The following ASZ1 variants were observed in gnomAD, a reference collection of about 807,000 sequenced individuals.
The protein encoded by ASZ1 is ankyrin repeat, SAM and basic leucine zipper domain containing 1.
In ASZ1, 67 loss-of-function variants were observed where a neutral mutation model predicts 61.8. The ratio of observed to expected loss-of-function variants is 1.08; its 90% CI spans 0.89 to 1.33. ASZ1 has a LOEUF of 1.33. Ranked by LOEUF, ASZ1 falls within the 40% of genes most tolerant of loss-of-function variation. ASZ1 has a pLI of 0.00. For synonymous variants in ASZ1, 193 were observed against 192.7 expected, an observed-to-expected ratio of 1.00 and a Z score of -0.01; for missense variants, 577 against 554.5, an observed-to-expected ratio of 1.04 and a Z score of -0.41.
intron 4 of ASZ1, among the ~76,000 whole-genome samples, chr7:117,413,265 C>T (rs1796929978): frequency 6.6e-6 from 1 of 151,850 alleles, no homozygotes; most frequent in African/African-American, 2.4e-5. Context: ...GTTGTAAATA[C>T]CCTTATCAAA....
intron 10 of ASZ1, among the ~76,000 whole-genome samples, chr7:117,376,717 G>A (rs572467230): frequency 1.3e-5 from 2 of 152,152 alleles, no homozygotes; most frequent in African/African-American, 4.8e-5. Context: ...GATAGAAAAA[G>A]CATTTGAAAA....
intron 10 of ASZ1, 50 bp downstream of exon 10, chr7:117,379,888 C>A (rs1376289457): frequency 1.7e-6 from 2 of 1,195,290 alleles, no homozygotes; most frequent in Admixed American, 2.0e-5. Context: ...CTAAAAAGAA[C>A]AATTGGTTCT....
At chr7:117,378,439 A>T (rs910924806) in intron 10 of ASZ1, among the ~76,000 whole-genome samples, 4 of 152,136 alleles carry the variant, frequency 2.6e-5, no homozygotes, top group African/African-American at 9.7e-5. Flanking sequence ...GCTGTTTGAC[A>T]TCATTAGCTA....
chr7:117,426,779 G>C (rs1797225208), intron 2 of ASZ1, 57 bp downstream of exon 2: 2 of 1,416,232 alleles, frequency 1.4e-6, no homozygotes, highest in Admixed American at 2.2e-5. Context: ...TAAAAATAAA[G>C]AATCCTTGCG....
intron 4 of ASZ1, among the ~76,000 whole-genome samples, chr7:117,401,451 T>G (rs1796679500): frequency 1.3e-5 from 2 of 151,644 alleles, no homozygotes; most frequent in African/African-American, 4.8e-5. Flanking sequence ...ATCTAATACC[T>G]TCAAAGAATC....
intron 11 of ASZ1, chr7:117,367,912 T>C: frequency 2.1e-6 from 2 of 972,678 alleles, no homozygotes; most frequent in East Asian, 1.1e-4. Context: ...GAAAGTGTCT[T>C]GTTCTGTTGC....
chr7:117,368,653 CAGCTGTTATTA>C lies in ASZ1; in HGVS notation c.1109_1119del (p.Leu370CysfsTer7). The C allele has an allele frequency of 6.2e-7, 1 of 1,612,810 alleles. No homozygotes were observed. The highest frequency in any genetic ancestry group is 8.5e-7 in the Non-Finnish European group (1 of 1,179,392). On this transcript the variant is annotated frameshift_variant, in exon 11 of 13. Coordinates refer to ENST00000284629, the MANE Select transcript of ASZ1 (RefSeq NM_130768.3). LOFTEE classifies it high-confidence loss of function. ...GGTAACTCAGTAATAACATTCTGTA[CAGCTGTTATTA>C]AATGGCCACACTGTTTATTTAATTT...
intron 12 of ASZ1, among the ~76,000 whole-genome samples, chr7:117,365,120 C>G (rs973174505): frequency 4.6e-5 from 7 of 152,140 alleles, no homozygotes; most frequent in African/African-American, 1.7e-4. Flanking sequence ...AATCAAATCT[C>G]ATTATGATGA....
chr7:117,422,666 C>A (rs946109369), intron 2 of ASZ1, among the ~76,000 whole-genome samples: 1 of 151,988 alleles, frequency 6.6e-6, no homozygotes, highest in Non-Finnish European at 1.5e-5. Flanking sequence ...TCTAGGGGAG[C>A]TGGAAAGGTT....
At chr7:117,369,524 A>C (rs998580037) in intron 10 of ASZ1, among the ~76,000 whole-genome samples, 9 of 152,204 alleles carry the variant, frequency 5.9e-5, no homozygotes, top group Non-Finnish European at 1.3e-4. Context: ...AAATAGAAGC[A>C]GAATAATTAG....
rs1030516307 is a variant in ASZ1 at position 117,399,602 on chromosome 7, T to C, written c.441-13793A>G. Reference sequence around the variant, plus strand: ...CTTCATCTACCAGGCTTCCTCAAAATTTTTTACATTCAAGAGTTGGCTACA... The same window carrying C: ...CTTCATCTACCAGGCTTCCTCAAAACTTTTTACATTCAAGAGTTGGCTACA... On this transcript the variant is annotated intron_variant, in intron 4 of 12. Transcript: ENST00000284629. Among the ~76,000 whole-genome samples, 4 of 152,126 alleles carry C rather than the reference T, an allele frequency of 2.6e-5. No homozygotes were observed. The South Asian group carries it at 8.3e-4, about 32-fold the overall frequency.
Position 117,377,857 on chromosome 7 carries a change from A to G in ASZ1, c.1055+2081T>C, listed in dbSNP as rs1427702102. On this transcript the variant is annotated intron_variant, in intron 10 of 12. Coordinates refer to ENST00000284629, the MANE Select transcript of ASZ1 (RefSeq NM_130768.3). ...AGAGGGATAGACACATAAAGAACCCAGAATAGAGAACCCAGATTATACCCA... is the reference window on the plus strand; with the variant it reads ...AGAGGGATAGACACATAAAGAACCCGGAATAGAGAACCCAGATTATACCCA... Among the ~76,000 whole-genome samples the G allele has an allele frequency of 3.3e-5, 5 of 152,164 alleles. No individual in the cohort carries two copies. The East Asian group carries it at 9.6e-4, about 29-fold the overall frequency.
At chr7:117,421,286 C>G (rs1429415625) in intron 3 of ASZ1, among the ~76,000 whole-genome samples, 1 of 152,038 alleles carries the variant, frequency 6.6e-6, no homozygotes, top group Non-Finnish European at 1.5e-5. Flanking sequence ...GATCATAACT[C>G]ACTGCAACCT....
Position 117,363,228 on chromosome 7 carries a change from G to T in ASZ1, c.*368C>A, listed in dbSNP as rs1174049540. 1 of 153,192 alleles carries T rather than the reference G, an allele frequency of 6.5e-6. No individual in the cohort carries two copies. The highest frequency in any genetic ancestry group is 1.5e-5 in the Non-Finnish European group (1 of 68,840). 9.5% of individuals were successfully genotyped at this position (153,192 alleles called of 1,614,324 possible). On this transcript the variant is annotated 3_prime_UTR_variant, in exon 13 of 13. Coordinates refer to ENST00000284629, the MANE Select transcript of ASZ1 (RefSeq NM_130768.3). ...TATGTAATAATGGAGGGGGAAAAAA[G>T]AAACAAAAGAAAGCTCAATTTATGA...
At chr7:117,417,485 T>G (rs1023881265) in intron 4 of ASZ1, among the ~76,000 whole-genome samples, 1 of 152,240 alleles carries the variant, frequency 6.6e-6, no homozygotes, top group Non-Finnish European at 1.5e-5. Flanking sequence ...CCCAATCTTC[T>G]AATAGGTTTT....
At chr7:117,385,941 A>G (rs1025341027) in intron 4 of ASZ1, 132 bp from the exon 5 acceptor site, 5 of 723,680 alleles carry the variant, frequency 6.9e-6, no homozygotes, top group Non-Finnish European at 1.1e-5. Flanking sequence ...TTGCTAAATC[A>G]GGTGATTTAA....
chr7:117,370,927 T>G (rs971128836), intron 10 of ASZ1, among the ~76,000 whole-genome samples: 1 of 150,756 alleles, frequency 6.6e-6, no homozygotes, highest in African/African-American at 2.4e-5. Flanking sequence ...TGGGTTCAAG[T>G]GATTCTCATG....
At chr7:117,379,802 C>A in intron 10 of ASZ1, 136 bp downstream of exon 10, 1 of 532,536 alleles carries the variant, frequency 1.9e-6, no homozygotes, top group Admixed American at 3.6e-5. Context: ...TTTCAGAACA[C>A]AGTATCTTCC....
At chr7:117,422,582 A>C (rs74717227) in intron 2 of ASZ1, among the ~76,000 whole-genome samples, 3,208 of 152,318 alleles carry the variant, frequency 0.021, 110 homozygotes, top group African/African-American at 0.073. Flanking sequence ...CGAGACTGAT[A>C]TGACTGATGT....
Sources: gnomAD v4.1 joint callset for allele counts (sites outside exome capture counted in the v4.1 genomes callset) on GRCh38, gnomAD v4.1.1 for gene constraint, MANE v1.5 for transcripts, NCBI Gene and HGNC (gene_info 2026-07-23, HGNC 2026-07-21) for gene names.